Variants in CRACD observed in about 807,000 individuals in gnomAD.
The protein encoded by CRACD is capping protein inhibiting regulator of actin dynamics, also known as capping protein-inhibiting regulator of actin dynamics.
Under a neutral mutation model 106.8 loss-of-function variants are expected in CRACD, and 56 were observed. The ratio of observed to expected loss-of-function variants is 0.52; its 90% CI spans 0.42 to 0.66. The LOEUF is 0.66. CRACD is among the 30% of genes least tolerant of loss of function. The pLI, the probability that CRACD is intolerant of heterozygous loss-of-function variation, is 0.00. For missense variants in CRACD, 1,730 were observed against 1,623.2 expected, an observed-to-expected ratio of 1.07 and a Z score of -1.13; for synonymous variants, 754 against 670.8, an observed-to-expected ratio of 1.12 and a Z score of -1.92.
intron 1 of CRACD, among the ~76,000 whole-genome samples, chr4:56,069,362 T>C (rs1269742467): frequency 6.6e-6 from 1 of 152,146 alleles, no homozygotes; most frequent in Non-Finnish European, 1.5e-5. Flanking sequence ...TTGAGAGTCT[T>C]TAGTTTAGAG....
chr4:56,125,764 C>CTTCTTTT (rs1420481544), intron 1 of CRACD, among the ~76,000 whole-genome samples: 6 of 73,300 alleles, frequency 8.2e-5, no homozygotes, highest in Admixed American at 1.7e-4. Flanking sequence ...CATTCTTCTT[C>CTTCTTTT]TTTTTTTTTT....
intron 1 of CRACD, among the ~76,000 whole-genome samples, chr4:56,135,382 A>C (rs1034658097): frequency 2.0e-5 from 3 of 152,248 alleles, no homozygotes; most frequent in Non-Finnish European, 2.9e-5. Flanking sequence ...TTTGATGAAG[A>C]TAGGTTGACT....
intron 1 of CRACD, among the ~76,000 whole-genome samples, chr4:56,103,649 G>C (rs1733853895): frequency 6.6e-6 from 1 of 152,220 alleles, no homozygotes; most frequent in Non-Finnish European, 1.5e-5. Context: ...AATTGGCAGA[G>C]TTCACACAGT....
intron 2 of CRACD, among the ~76,000 whole-genome samples, chr4:56,269,945 A>G (rs1742251768): frequency 6.6e-6 from 1 of 152,278 alleles, no homozygotes; most frequent in African/African-American, 2.4e-5. Context: ...CAAATAATAC[A>G]CAGTAAAAAT....
intron 3 of CRACD, among the ~76,000 whole-genome samples, chr4:56,281,708 T>C (rs1198623462): frequency 6.6e-6 from 1 of 151,946 alleles, no homozygotes; most frequent in Non-Finnish European, 1.5e-5. Context: ...GCTACAGAGG[T>C]TTATGGAAAG....
chr4:56,080,989 G>T lies in CRACD; in HGVS notation c.-336+31690G>T, dbSNP rs114313713. On this transcript the variant is annotated intron_variant, in intron 1 of 10. Coordinates refer to ENST00000682029, the MANE Select transcript of CRACD (RefSeq NM_001393381.1). The stretch of plus-strand genomic sequence containing the variant: ...ACTCCAGTTGTACCTTAGATTAAAT[G>T]AAATACCTGCATAACTGTTTTTTGT... Among the ~76,000 whole-genome samples the T allele has an allele frequency of 6.2e-3, 948 of 151,972 alleles. 11 individuals are homozygous for T. Among genetic ancestry groups the T allele is most frequent in the African/African-American group, 0.022 (893 of 41,496 alleles).
chr4:56,238,088 C>G (rs1226892065), intron 2 of CRACD, among the ~76,000 whole-genome samples: 1 of 152,064 alleles, frequency 6.6e-6, no homozygotes, highest in Non-Finnish European at 1.5e-5. Context: ...CAAACTGTTC[C>G]AAAACTGAGT....
chr4:56,234,053 C>A (rs1183633472), intron 2 of CRACD, among the ~76,000 whole-genome samples: 1 of 152,056 alleles, frequency 6.6e-6, no homozygotes, highest in East Asian at 1.9e-4. Flanking sequence ...TCTGGACTCA[C>A]TAGATCTAGT....
chr4:56,067,908 T>C (rs1168015617), intron 1 of CRACD, among the ~76,000 whole-genome samples: 3 of 146,382 alleles, frequency 2.0e-5, no homozygotes, highest in Admixed American at 6.7e-5. Flanking sequence ...AATGGTTGCA[T>C]TGCATTCTCA....
chr4:56,295,042 A>G (rs1220982310), intron 3 of CRACD, among the ~76,000 whole-genome samples: 2 of 152,038 alleles, frequency 1.3e-5, no homozygotes, highest in African/African-American at 2.4e-5. Context: ...AGCTACAGCA[A>G]TTAAGATAGT....
At chr4:56,300,769 G>A (rs1206790002) in intron 4 of CRACD, among the ~76,000 whole-genome samples, 2 of 152,120 alleles carry the variant, frequency 1.3e-5, no homozygotes, top group African/African-American at 2.4e-5. Flanking sequence ...CCACTGCCAC[G>A]CCAAGAAGTG....
At chr4:56,197,722 C>T (rs1465773588) in intron 2 of CRACD, among the ~76,000 whole-genome samples, 4 of 151,790 alleles carry the variant, frequency 2.6e-5, no homozygotes, top group South Asian at 2.1e-4. Context: ...TCTGTTGCCC[C>T]GCTGGAGTGC....
intron 2 of CRACD, among the ~76,000 whole-genome samples, chr4:56,263,253 C>G (rs1741812025): frequency 6.6e-6 from 1 of 152,150 alleles, no homozygotes; most frequent in African/African-American, 2.4e-5. Context: ...AGGAGAAAGT[C>G]ATTCCAGGTA....
At chr4:56,326,284 A>T (rs1183527925) in intron 10 of CRACD, among the ~76,000 whole-genome samples, 1 of 152,124 alleles carries the variant, frequency 6.6e-6, no homozygotes, top group African/African-American at 2.4e-5. Flanking sequence ...GCATTATGTC[A>T]TTTGATTTTA....
intron 5 of CRACD, chr4:56,309,138 T>C (rs1467094542): frequency 2.5e-6 from 1 of 398,126 alleles, no homozygotes; most frequent in East Asian, 7.1e-5. Flanking sequence ...GAGAGGTCTC[T>C]TATTTGGGTG....
intron 2 of CRACD, among the ~76,000 whole-genome samples, chr4:56,188,121 A>G (rs1333576369): frequency 6.6e-6 from 1 of 152,228 alleles, no homozygotes. Flanking sequence ...CAGAAAGTTC[A>G]TTCCATGCAG....
At chr4:56,275,361 G>C (rs977265300) in intron 3 of CRACD, among the ~76,000 whole-genome samples, 1 of 152,084 alleles carries the variant, frequency 6.6e-6, no homozygotes, top group Non-Finnish European at 1.5e-5. Flanking sequence ...AGGCTGAGGC[G>C]GGAAGATCAT....
chr4:56,234,551 A>T (rs537719450), intron 2 of CRACD, among the ~76,000 whole-genome samples: 2 of 152,310 alleles, frequency 1.3e-5, no homozygotes, highest in Admixed American at 1.3e-4. Context: ...TTGTGTGGTG[A>T]TTCCATCAAT....
chr4:56,081,599 AC>A (rs1478466864), intron 1 of CRACD, among the ~76,000 whole-genome samples: 1 of 152,324 alleles, frequency 6.6e-6, no homozygotes, highest in East Asian at 1.9e-4. Context: ...TTTTCATTCA[AC>A]CATTCATTTA....
Sources: allele counts gnomAD v4.1 joint callset (sites outside exome capture counted in the v4.1 genomes callset), GRCh38; gene constraint gnomAD v4.1.1; transcripts MANE v1.5; gene names NCBI Gene and HGNC (gene_info 2026-07-23, HGNC 2026-07-21).